SAMD12: variants seen among roughly 807,000 people sequenced by gnomAD.
SAMD12 encodes sterile alpha motif domain containing 12.
Under a neutral mutation model 15.0 loss-of-function variants are expected in SAMD12, and 9 were observed. The ratio of observed to expected loss-of-function variants is 0.60; its 90% CI spans 0.36 to 1.05. The LOEUF is 1.05. SAMD12 is among the 50% of genes least tolerant of loss of function. SAMD12 has a pLI of 0.01. For synonymous variants in SAMD12, 86 were observed against 90.1 expected (o/e 0.96, Z 0.25); for missense variants, 230 against 234.2 (o/e 0.98, Z 0.12).
At chr8:118,608,736 T>C (rs972713546) in intron 1 of SAMD12, among the ~76,000 whole-genome samples, 1 of 152,142 alleles carries the variant, frequency 6.6e-6, no homozygotes, top group Non-Finnish European at 1.5e-5. Context: ...ACTCCAGACC[T>C]CAGGTAATCT....
At chr8:118,438,991 A>G (rs1822656464) in intron 3 of SAMD12, among the ~76,000 whole-genome samples, 1 of 152,128 alleles carries the variant, frequency 6.6e-6, no homozygotes, top group Non-Finnish European at 1.5e-5. Flanking sequence ...TACAAGCAGG[A>G]TCTTAGGGTG....
chr8:118,517,690 G>T (rs1825281431), intron 2 of SAMD12, among the ~76,000 whole-genome samples: 1 of 152,184 alleles, frequency 6.6e-6, no homozygotes, highest in Non-Finnish European at 1.5e-5. Context: ...ACATTAGGTG[G>T]CTTCCAAAGG....
intron 4 of SAMD12, among the ~76,000 whole-genome samples, chr8:118,315,994 C>A (rs754443935): frequency 1.3e-5 from 2 of 152,092 alleles, no homozygotes; most frequent in Non-Finnish European, 2.9e-5. Flanking sequence ...GGAGAAGGGA[C>A]AAATTTCAAA....
chr8:118,221,607 A>C (rs1812083773), intron 4 of SAMD12, among the ~76,000 whole-genome samples: 1 of 152,058 alleles, frequency 6.6e-6, no homozygotes, highest in Admixed American at 6.6e-5. Context: ...AGTGGCTTGC[A>C]ACCTAATCTA....
intron 2 of SAMD12, among the ~76,000 whole-genome samples, chr8:118,572,200 T>C (rs1363847095): frequency 6.6e-6 from 1 of 152,232 alleles, no homozygotes; most frequent in Non-Finnish European, 1.5e-5. Flanking sequence ...CTTCTTTGTT[T>C]TGGCCAATTT....
At chr8:118,319,286 A>G (rs7828224) in intron 4 of SAMD12, among the ~76,000 whole-genome samples, 74,274 of 151,860 alleles carry the variant, frequency 0.49, 20,612 homozygotes, top group African/African-American at 0.77. Context: ...CCCCTCAAGA[A>G]CAAGGGTCAG....
downstream of SAMD12, among the ~76,000 whole-genome samples, chr8:118,188,071 AAG>A (rs931887338): frequency 6.6e-6 from 1 of 151,040 alleles, no homozygotes; most frequent in Non-Finnish European, 1.5e-5. Flanking sequence ...AAGAGAGAGA[AAG>A]AGAGAGATGG....
intron 4 of SAMD12, among the ~76,000 whole-genome samples, chr8:118,343,388 A>G (rs375373566): frequency 1.0e-5 from 1 of 97,688 alleles, no homozygotes; most frequent in Non-Finnish European, 2.0e-5. Context: ...TTGGGGACAG[A>G]TGCTAACCAG....
At chr8:118,232,307 G>A (rs936883860) in intron 4 of SAMD12, among the ~76,000 whole-genome samples, 1 of 152,130 alleles carries the variant, frequency 6.6e-6, no homozygotes, top group Non-Finnish European at 1.5e-5. Context: ...GAGGGATGTT[G>A]CCCAAGTTGC....
chr8:118,543,840 A>G (rs1826052193), intron 2 of SAMD12, among the ~76,000 whole-genome samples: 1 of 152,072 alleles, frequency 6.6e-6, no homozygotes, highest in African/African-American at 2.4e-5. Context: ...AGTCTTAGGC[A>G]AGCACACATT....
chr8:118,344,868 A>T (rs558271913), intron 4 of SAMD12, among the ~76,000 whole-genome samples: 15 of 152,222 alleles, frequency 9.9e-5, no homozygotes, highest in Non-Finnish European at 2.1e-4. Context: ...TAAGATTATG[A>T]TGGAGCTGAA....
intron 4 of SAMD12, among the ~76,000 whole-genome samples, chr8:118,366,681 A>T (rs1818783447): frequency 6.6e-6 from 1 of 151,656 alleles, no homozygotes; most frequent in South Asian, 2.1e-4. Context: ...GCGTGGTGGC[A>T]CATGCCTGTA....
At chr8:118,323,878 G>C (rs1015855071) in intron 4 of SAMD12, among the ~76,000 whole-genome samples, 4 of 151,562 alleles carry the variant, frequency 2.6e-5, no homozygotes, top group African/African-American at 9.7e-5. Flanking sequence ...GTTTGCACAG[G>C]GGAAACCTTT....
intron 4 of SAMD12, among the ~76,000 whole-genome samples, chr8:118,318,327 T>TATATATATATATATATATAC (rs1563758928): frequency 3.2e-3 from 110 of 34,892 alleles, no homozygotes; most frequent in Non-Finnish European, 7.8e-3. Context: ...TATATATATA[T>TATATATATATATATATATAC]ATATATATAT....
chr8:118,177,772 A>G, the SAMD12 span, among the ~76,000 whole-genome samples: 1 of 152,238 alleles, frequency 6.6e-6, no homozygotes, highest in Non-Finnish European at 1.5e-5. Context: ...ATTAGAAATT[A>G]AAAACTGAGA....
chr8:118,453,214 C>T (rs149379089), intron 2 of SAMD12, among the ~76,000 whole-genome samples: 15 of 152,234 alleles, frequency 9.9e-5, no homozygotes, highest in Admixed American at 2.6e-4. Flanking sequence ...TCTAAGACCT[C>T]TATTTGGTCT....
At chr8:118,595,870 C>T (rs1827710808) in intron 1 of SAMD12, among the ~76,000 whole-genome samples, 1 of 152,210 alleles carries the variant, frequency 6.6e-6, no homozygotes, top group African/African-American at 2.4e-5. Context: ...TCTATGGGCA[C>T]CATTTTAAGC....
At chr8:118,450,428 C>T (rs747395584) in intron 2 of SAMD12, among the ~76,000 whole-genome samples, 3 of 152,136 alleles carry the variant, frequency 2.0e-5, no homozygotes, top group South Asian at 2.1e-4. Context: ...GAAAACCTAT[C>T]GCTCATCCAC....
At chr8:118,436,825 G>GATACCATC (rs1822587340) in intron 3 of SAMD12, among the ~76,000 whole-genome samples, 1 of 152,202 alleles carries the variant, frequency 6.6e-6, no homozygotes, top group South Asian at 2.1e-4. Flanking sequence ...ACTTGGAAAA[G>GATACCATC]AGCAGCAGCT....
Sources: gnomAD v4.1 joint callset for allele counts (sites outside exome capture counted in the v4.1 genomes callset) on GRCh38, gnomAD v4.1.1 for gene constraint, MANE v1.5 for transcripts, NCBI Gene and HGNC (gene_info 2026-07-23, HGNC 2026-07-21) for gene names.